The following DST variants were observed in gnomAD, a reference collection of about 807,000 sequenced individuals.
The protein encoded by DST is bullous pemphigoid antigen.
In DST, 253 loss-of-function variants were observed where a neutral mutation model predicts 875.2. The observed-to-expected ratio is 0.29, with a 90% CI of 0.26 to 0.32. The LOEUF is 0.32. Among genes scored for constraint, DST ranks in the 10% least tolerant of loss-of-function variants. The probability of loss-of-function intolerance (pLI) is 1.00; values close to 1 mark genes in which losing one functional copy is unlikely to be tolerated. For missense variants in DST, 8,287 were observed against 9,111.6 expected (o/e 0.91, Z 3.68); for synonymous variants, 3,124 against 3,197.1 (o/e 0.98, Z 0.77).
In DST at chr6:56,529,477, C is replaced by A. The variant is rs764022531; in HGVS notation, c.17566G>T (p.Gly5856Trp). 1.3e-6 allele frequency: 2 copies of A among 1,555,202 alleles called. No homozygotes were observed. Among genetic ancestry groups the A allele is most frequent in the South Asian group, 2.6e-5 (2 of 76,452 alleles). The change falls in exon 66 of 104, where the codon GGG becomes TGG. Residue 5856 changes from glycine (G) to tryptophan (W), a missense_variant. Transcript: ENST00000680361. Reference protein sequence around the residue: ...KLSVQDYSTEGLWKQQSELRV... With the variant: ...KLSVQDYSTEWLWKQQSELRV... ...AGTTCAGACTGCTGCTTCCATAGCC[C>A]CTCAGTGCTGTAATCCTGGACTGAG...
intron 4 of DST, among the ~76,000 whole-genome samples, chr6:56,764,583 C>T (rs1214403163): frequency 6.6e-6 from 1 of 151,910 alleles, no homozygotes; most frequent in Non-Finnish European, 1.5e-5. Flanking sequence ...AAACACACTG[C>T]CTAGCTGACA....
chr6:56,928,001 G>C (rs1303602728), intron 2 of DST, among the ~76,000 whole-genome samples: 3 of 152,162 alleles, frequency 2.0e-5, no homozygotes, highest in Non-Finnish European at 4.4e-5. Context: ...TCAGACCTGT[G>C]AGAAGGGGGC....
intron 4 of DST, among the ~76,000 whole-genome samples, chr6:56,758,311 C>CT (rs927904410): frequency 6.6e-6 from 1 of 152,060 alleles, no homozygotes; most frequent in Admixed American, 6.6e-5. Flanking sequence ...AATACAGTGC[C>CT]TTTTTTTGTA....
Position 56,614,385 on chromosome 6 carries a change from C to G in DST, c.5029G>C (p.Ala1677Pro), listed in dbSNP as rs370590691. ...TGCTTAGAGAAGGGAGGTTTTCCAG[C>G]CTTCTCTGCATCTTTCAATGTCTTG... The part of the protein sequence containing the change: ...ISKTLKDAEK[A>P]GKPPFSKQKI... Residue 1677 changes from alanine to proline, a missense_variant, in exon 37 of 104, where the codon GCT (alanine) becomes CCT (proline). By Grantham distance (27) the Ala-to-Pro change is conservative. This residue lies in a region of DST where 3,138 missense variants were observed against 3,116.6 expected (regional missense o/e 1.01). Coordinates refer to ENST00000680361, the MANE Select transcript of DST (RefSeq NM_001374736.1). The G allele has an allele frequency of 7.5e-6, 12 of 1,607,822 alleles. No homozygotes were observed. Among genetic ancestry groups the G allele is most frequent in the Non-Finnish European group, 9.3e-6 (11 of 1,177,140 alleles).
In DST at chr6:56,592,193, C is replaced by T; in HGVS notation, c.12892G>A (p.Glu4298Lys). ...CTCTCGCTTTTTACCTTGGTCTCTT[C>T]TAATTGCCTTTGAAGATTTTTGGGG... The part of the protein sequence containing the change: ...VDPKNLQRQL[E>K]ETKALQGQIS... The change falls in exon 49 of 104, where the codon GAA (glutamate) becomes AAA (lysine). Residue 4298 changes from glutamate (E) to lysine (K), a missense_variant. Glu to Lys is a moderately conservative substitution (Grantham distance 56). Around this residue, in one of 10 missense-constraint regions of DST, gnomAD observed 1,513 missense variants for 1,677.8 expected, o/e 0.90. Coordinates refer to ENST00000680361, the MANE Select transcript of DST (RefSeq NM_001374736.1). The T allele has an allele frequency of 1.9e-6, 3 of 1,613,388 alleles. No individual in the cohort carries two copies. Among genetic ancestry groups the T allele is most frequent in the Non-Finnish European group, 2.5e-6 (3 of 1,179,686 alleles).
chr6:56,759,415 C>T (rs2099612142), intron 4 of DST, among the ~76,000 whole-genome samples: 1 of 152,160 alleles, frequency 6.6e-6, no homozygotes. Flanking sequence ...TGCACCACTG[C>T]ACTCCAGCCT....
At chr6:56,542,919 T>A (rs1584520253) in intron 61 of DST, 1 of 152,054 alleles carries the variant, frequency 6.6e-6, no homozygotes, top group Non-Finnish European at 1.5e-5. Flanking sequence ...TTCCCGGGAG[T>A]CGGCGAGCGG....
At position 56,524,936 on chromosome 6, in the gene DST, T is replaced by A. The variant is rs570401427; in HGVS notation, c.18129+1425A>T. ...TAATTCTATCAGAAAAAAAAAATCA[T>A]TATTTTCCTAAAGGATTCCGGAAGA... On this transcript the variant is annotated intron_variant, in intron 69 of 103. Coordinates refer to ENST00000680361, the MANE Select transcript of DST (RefSeq NM_001374736.1). Among the ~76,000 whole-genome samples the A allele has an allele frequency of 4.6e-5, 7 of 151,720 alleles. No individual in the cohort carries two copies. The East Asian group carries it at 1.4e-3, about 29-fold the overall frequency.
chr6:56,541,846 C>T (rs79005168), intron 61 of DST, among the ~76,000 whole-genome samples: 35 of 152,286 alleles, frequency 2.3e-4, no homozygotes, highest in African/African-American at 8.2e-4. Flanking sequence ...CCTTTGTCCA[C>T]CTTTCCCAGC....
At chr6:56,801,027 A>G (rs897227630) in intron 4 of DST, among the ~76,000 whole-genome samples, 1 of 141,992 alleles carries the variant, frequency 7.0e-6, no homozygotes, top group African/African-American at 2.6e-5. Flanking sequence ...CTCAGGGAGA[A>G]AAAAAAAAAA....
intron 4 of DST, among the ~76,000 whole-genome samples, chr6:56,763,684 T>TACAC (rs553580754): frequency 0.22 from 25,540 of 116,726 alleles, 3,086 homozygotes; most frequent in Middle Eastern, 0.29. Flanking sequence ...AAAATACCTA[T>TACAC]ACACACACAC....
At chr6:56,711,085 T>C (rs2099361499) in intron 5 of DST, among the ~76,000 whole-genome samples, 1 of 152,198 alleles carries the variant, frequency 6.6e-6, no homozygotes, top group Non-Finnish European at 1.5e-5. Context: ...ATTCACTCCT[T>C]CACAAAGAAG....
At chr6:56,843,608 G>A in intron 4 of DST, 1 of 984,068 alleles carries the variant, frequency 1.0e-6, no homozygotes, top group Non-Finnish European at 1.2e-6. Context: ...GGGAGGACCG[G>A]CGCGCTGCCT....
intron 62 of DST, among the ~76,000 whole-genome samples, chr6:56,535,841 G>A (rs1199937183): frequency 6.6e-6 from 1 of 152,098 alleles, no homozygotes; most frequent in African/African-American, 2.4e-5. Context: ...TGGAGTCTCT[G>A]TGTCCTACAT....
At chr6:56,493,609 A>G (rs2095821023) in intron 83 of DST, among the ~76,000 whole-genome samples, 1 of 152,156 alleles carries the variant, frequency 6.6e-6, no homozygotes, top group Non-Finnish European at 1.5e-5. Flanking sequence ...GAATTTTTAA[A>G]TGTAAGTACT....
At chr6:56,802,703 C>A (rs562077490) in intron 4 of DST, among the ~76,000 whole-genome samples, 2 of 152,112 alleles carry the variant, frequency 1.3e-5, no homozygotes, top group Non-Finnish European at 2.9e-5. Context: ...ACATTACACC[C>A]ATTGATATCC....
At chr6:56,927,223 TAA>T (rs1807652847) in intron 2 of DST, among the ~76,000 whole-genome samples, 1 of 152,102 alleles carries the variant, frequency 6.6e-6, no homozygotes, top group Non-Finnish European at 1.5e-5. Context: ...TTTAATGAAA[TAA>T]GTTTCCCATT....
intron 78 of DST, among the ~76,000 whole-genome samples, chr6:56,502,671 C>T (rs2096173863): frequency 6.6e-6 from 1 of 152,066 alleles, no homozygotes; most frequent in South Asian, 2.1e-4. Flanking sequence ...AAATTATCCA[C>T]ACCCATAATT....
rs777124177 is a variant in DST, at chr6:56,639,606, T to C, written c.2703A>G (p.Thr901=). ...LESQYAKLLN[T]SRNQERHLDT... is the part of the protein sequence containing the mutation. ...CAAGGTGCCGTTCTTGATTCCTGGATGTATTCTTTAGTAAGGAAAATCATC... is the reference window on the plus strand; with the variant it reads ...CAAGGTGCCGTTCTTGATTCCTGGACGTATTCTTTAGTAAGGAAAATCATC... Residue 901 remains threonine (T), a synonymous_variant, in exon 21 of 104, where the codon ACA becomes ACG. Coordinates refer to ENST00000680361, the MANE Select transcript of DST (RefSeq NM_001374736.1). The C allele has an allele frequency of 6.2e-7, 1 of 1,613,798 alleles. No individual in the cohort carries two copies. Among genetic ancestry groups the C allele is most frequent in the Admixed American group, 1.7e-5 (1 of 60,006 alleles).
Sources: gnomAD v4.1 joint callset for allele counts (sites outside exome capture counted in the v4.1 genomes callset) on GRCh38, gnomAD v4.1.1 for gene constraint, gnomAD v4.1.1 regional missense constraint, MANE v1.5 for transcripts, NCBI Gene and HGNC (gene_info 2026-07-23, HGNC 2026-07-21) for gene names.